Variants in ACTN1 observed in about 807,000 individuals in gnomAD.
The protein encoded by ACTN1 is actinin alpha 1.
A neutral mutation model predicts 119.6 loss-of-function variants in ACTN1; 30 were observed. The observed-to-expected ratio is 0.25, with a 90% CI of 0.19 to 0.34. ACTN1 has a LOEUF of 0.34. Among genes scored for constraint, ACTN1 ranks in the 10% least tolerant of loss-of-function variants. ACTN1 has a pLI of 1.00. For missense variants in ACTN1, 764 were observed against 1,223.4 expected (o/e 0.62, Z 5.60); for synonymous variants, 429 against 472.6 (o/e 0.91, Z 1.20).
intron 3 of ACTN1, among the ~76,000 whole-genome samples, chr14:68,913,968 C>G (rs985245237): frequency 6.6e-6 from 1 of 152,140 alleles, no homozygotes; most frequent in African/African-American, 2.4e-5. Flanking sequence ...CGAGCCTGTA[C>G]TCCCAACACT....
intron 1 of ACTN1, among the ~76,000 whole-genome samples, chr14:68,951,702 C>T (rs1202634562): frequency 6.6e-6 from 1 of 152,212 alleles, no homozygotes; most frequent in Non-Finnish European, 1.5e-5. Flanking sequence ...CTGGAGAAGA[C>T]TGGACGTGGT....
intron 1 of ACTN1, among the ~76,000 whole-genome samples, chr14:68,961,515 G>C (rs2036539610): frequency 6.6e-6 from 1 of 151,458 alleles, no homozygotes; most frequent in Admixed American, 6.6e-5. Context: ...GTTCCCCTGG[G>C]TGTTCTGATG....
intron 8 of ACTN1, chr14:68,900,839 G>A (rs2033261790): frequency 6.6e-6 from 1 of 152,498 alleles, no homozygotes; most frequent in African/African-American, 2.4e-5. Context: ...GGGGAGAGTG[G>A]AGGAGGCCGA....
chr14:68,921,667 G>C (rs1444010211), intron 2 of ACTN1, among the ~76,000 whole-genome samples: 1 of 152,194 alleles, frequency 6.6e-6, no homozygotes, highest in African/African-American at 2.4e-5. Flanking sequence ...AGAAGGAACA[G>C]TACATGCAAA....
chr14:68,888,959 G>A (rs1319270601), intron 11 of ACTN1, among the ~76,000 whole-genome samples: 1 of 152,168 alleles, frequency 6.6e-6, no homozygotes, highest in Admixed American at 6.5e-5. Context: ...CTCCCAAATG[G>A]CCTTGGGGTA....
rs570800763 is a variant in ACTN1, at chr14:68,878,249, G to C, written c.2427+209C>G. 23 of 574,174 alleles carry C rather than the reference G, an allele frequency of 4.0e-5. No homozygotes were observed. Among genetic ancestry groups the C allele is most frequent in the Non-Finnish European group, 5.5e-5 (19 of 343,104 alleles). 35.6% of individuals were successfully genotyped at this position (574,174 alleles called of 1,614,324 possible). ...GATGAAGTGGCACAGAGATTGAGGC[G>C]AGGAGGTCAGGCCTCCCGGATACAC... On this transcript the variant is annotated intron_variant, in intron 20 of 21. Transcript: ENST00000394419. The surrounding 1 kb of genome is among the most constrained non-coding windows in gnomAD (Gnocchi z 4.4).
In ACTN1 at chr14:68,902,498, G is replaced by A. The variant is rs147701778; in HGVS notation, c.741C>T (p.His247=). Residue 247 remains histidine, a synonymous_variant, in exon 8 of 22, where the codon CAC becomes CAT. Transcript: ENST00000394419. ...GTACCTTCTGGGCTCCAGAGAAGGCGTGGTAGAAGCTAGACACGTAAGTCA... is the reference window on the plus strand; with the variant it reads ...GTACCTTCTGGGCTCCAGAGAAGGCATGGTAGAAGCTAGACACGTAAGTCA... ...AIMTYVSSFY[H]AFSGAQKAET... 46 of 1,613,990 alleles carry A rather than the reference G, an allele frequency of 2.9e-5. No individual in the cohort carries two copies. The highest frequency in any genetic ancestry group is 5.3e-5 in the African/African-American group (4 of 75,010).
At chr14:68,963,386 G>A (rs1277322638) in intron 1 of ACTN1, among the ~76,000 whole-genome samples, 1 of 152,202 alleles carries the variant, frequency 6.6e-6, no homozygotes, top group African/African-American at 2.4e-5. Flanking sequence ...TGTTTGTTAA[G>A]TCTGGGTGGC....
At chr14:68,920,567 C>G (rs998403755) in intron 3 of ACTN1, among the ~76,000 whole-genome samples, 1 of 152,158 alleles carries the variant, frequency 6.6e-6, no homozygotes, top group African/African-American at 2.4e-5. Context: ...TAAAAATGTT[C>G]CTAGAGGCTT....
Position 68,880,139 on chromosome 14 carries a change from G to T in ACTN1, c.2134-31C>A. ...GGACGGCAAGGGGCCTGTCAGCAAAGGGGTCCCAGGCCTGGGCTCCTGGCG... is the reference window on the plus strand; with the variant it reads ...GGACGGCAAGGGGCCTGTCAGCAAATGGGTCCCAGGCCTGGGCTCCTGGCG... On this transcript the variant is annotated intron_variant, in intron 17 of 21. Coordinates refer to ENST00000394419, the MANE Select transcript of ACTN1 (RefSeq NM_001130004.2). The surrounding 1 kb of genome is among the most constrained non-coding windows in gnomAD (Gnocchi z 4.6). The T allele has an allele frequency of 6.2e-7, 1 of 1,608,712 alleles. No individual in the cohort carries two copies. The highest frequency in any genetic ancestry group is 8.5e-7 in the Non-Finnish European group (1 of 1,176,894).
At position 68,979,118 on chromosome 14, in the gene ACTN1, C is replaced by A; in HGVS notation, c.-62G>T. 1.9e-6 allele frequency: 2 copies of A among 1,059,642 alleles called. No individual in the cohort carries two copies. The highest frequency in any genetic ancestry group is 1.3e-5 in the South Asian group (1 of 76,112). 65.6% of individuals were successfully genotyped at this position (1,059,642 alleles called of 1,614,324 possible). On this transcript the variant is annotated 5_prime_UTR_variant, in exon 1 of 22. Coordinates refer to ENST00000394419, the MANE Select transcript of ACTN1 (RefSeq NM_001130004.2). ...CCACCTTCTCTCTGAGCAACGGCTG[C>A]TGCCCTGGCGTGGGGAGGGAGTAGG...
At position 68,874,830 on chromosome 14, in the gene ACTN1, A is replaced by G. The variant is rs1201944733; in HGVS notation, c.*29T>C. ...GGAGGTGCAAGGCAGGGCACGGCGC[A>G]CAAGACGAGGGCGGCCGGGCGGGGT... On this transcript the variant is annotated 3_prime_UTR_variant, in exon 22 of 22. Transcript: ENST00000394419. The G allele has an allele frequency of 6.5e-7, 1 of 1,536,748 alleles. No individual in the cohort carries two copies. The highest frequency in any genetic ancestry group is 1.2e-5 in the South Asian group (1 of 80,184).
Position 68,885,567 on chromosome 14 carries a change from C to G in ACTN1, c.1243G>C (p.Ala415Pro). 6.2e-7 allele frequency: 1 copy of G among 1,613,100 alleles called. No individual in the cohort carries two copies. The highest frequency in any genetic ancestry group is 2.2e-5 in the East Asian group (1 of 44,876). Residue 415 changes from alanine to proline, a missense_variant, in exon 12 of 22, where the codon GCC becomes CCC. Physicochemically the swap from Ala to Pro is conservative, Grantham distance 27 (BLOSUM62 -1). Coordinates refer to ENST00000394419, the MANE Select transcript of ACTN1 (RefSeq NM_001130004.2). The surrounding 1 kb of genome is among the most constrained non-coding windows in gnomAD (Gnocchi z 5.6). ...IHEAWTDGKE[A>P]MLRQKDYETA... The stretch of plus-strand genomic sequence containing the variant: ...TCATAGTCCTTCTGTCGCAGCATGG[C>G]CTCTTTGCCTGGGTTGAGAGAGGGC...
At chr14:68,950,710 C>T (rs1357747261) in intron 1 of ACTN1, among the ~76,000 whole-genome samples, 2 of 151,728 alleles carry the variant, frequency 1.3e-5, no homozygotes, top group Admixed American at 6.6e-5. Context: ...TACAAGCACC[C>T]GCCACCACGC....
chr14:68,895,015 T>C (rs2032770116), intron 8 of ACTN1, among the ~76,000 whole-genome samples: 6 of 148,666 alleles, frequency 4.0e-5, no homozygotes, highest in Admixed American at 3.4e-4. Flanking sequence ...TGGATGACTA[T>C]GCTGGGGTGT....
At chr14:68,877,542 G>A in intron 20 of ACTN1, 1 of 337,142 alleles carries the variant, frequency 3.0e-6, no homozygotes, top group East Asian at 5.9e-5. Flanking sequence ...AGCATATCAA[G>A]TATTAATCTA....
At chr14:68,950,289 T>C (rs1209530436) in intron 1 of ACTN1, among the ~76,000 whole-genome samples, 1 of 75,492 alleles carries the variant, frequency 1.3e-5, no homozygotes. Context: ...AGTGAGTTGT[T>C]GTCTCAAAAA....
At chr14:68,887,517 G>A (rs958900574) in intron 11 of ACTN1, 2 of 1,225,322 alleles carry the variant, frequency 1.6e-6, no homozygotes, top group African/African-American at 3.1e-5. Flanking sequence ...ATGTTAAGCT[G>A]ACACCCGAGA....
intron 1 of ACTN1, among the ~76,000 whole-genome samples, chr14:68,971,208 AAACT>A (rs1268735707): frequency 6.6e-6 from 1 of 152,252 alleles, no homozygotes; most frequent in Non-Finnish European, 1.5e-5. Context: ...TGTACCAAGA[AAACT>A]AACAGTCCCT....
Sources: allele counts gnomAD v4.1 joint callset (sites outside exome capture counted in the v4.1 genomes callset), GRCh38; gene constraint gnomAD v4.1.1; non-coding constraint Gnocchi (gnomAD v3.1); transcripts MANE v1.5; gene names NCBI Gene and HGNC (gene_info 2026-07-23, HGNC 2026-07-21).